SCEL: variants seen among roughly 807,000 people sequenced by gnomAD.
SCEL encodes sciellin.
Under a neutral mutation model 117.6 loss-of-function variants are expected in SCEL, and 113 were observed. The observed-to-expected ratio is 0.96, with a 90% CI of 0.83 to 1.12. The LOEUF (loss-of-function observed/expected upper bound fraction) is 1.12, where lower values mean the gene tolerates loss of function less well. SCEL is among the 50% of genes most tolerant of loss of function. SCEL has a pLI of 0.00. For synonymous variants in SCEL, 270 were observed against 256.2 expected (o/e 1.05, Z -0.51); for missense variants, 785 against 810.8 (o/e 0.97, Z 0.39).
chr13:77,602,123 G>C lies in SCEL; in HGVS notation c.976G>C (p.Gly326Arg). 1 of 1,610,562 alleles carries C rather than the reference G, an allele frequency of 6.2e-7. No homozygotes were observed. The highest frequency in any genetic ancestry group is 8.5e-7 in the Non-Finnish European group (1 of 1,178,462). Reference protein sequence around the residue: ...VNQRTDKNEKGRQNLESVAKV... With the variant: ...VNQRTDKNEKRRQNLESVAKV... ...TCAAAGGACTGACAAAAATGAGAAA[G>C]GGTAAGTCAATCTCCTACCTTGATG... is the stretch of plus-strand genomic sequence containing the variant. Residue 326 changes from glycine to arginine, a missense_variant and splice_region_variant, in exon 16 of 33, where the codon GGA (glycine) becomes CGA (arginine). Physicochemically the swap from Gly to Arg is moderately radical, Grantham distance 125 (BLOSUM62 -2). Coordinates refer to ENST00000349847, the MANE Select transcript of SCEL (RefSeq NM_144777.3).
intron 15 of SCEL, among the ~76,000 whole-genome samples, chr13:77,601,562 G>T (rs191290776): frequency 8.5e-5 from 13 of 152,254 alleles, no homozygotes; most frequent in Non-Finnish European, 1.6e-4. Flanking sequence ...TATATAAAGT[G>T]CTGGGACCAT....
At chr13:77,545,249 T>G (rs1461112604) in intron 1 of SCEL, among the ~76,000 whole-genome samples, 1 of 152,226 alleles carries the variant, frequency 6.6e-6, no homozygotes, top group Non-Finnish European at 1.5e-5. Context: ...GGAATGAAAC[T>G]GAAACGTGGC....
At chr13:77,642,593 C>A (rs988204562) in intron 31 of SCEL, 113 bp from the exon 32 acceptor site, 1 of 560,028 alleles carries the variant, frequency 1.8e-6, no homozygotes, top group Non-Finnish European at 3.0e-6. Flanking sequence ...TAGAAAACTT[C>A]AGTGATAAAC....
intron 9 of SCEL, among the ~76,000 whole-genome samples, chr13:77,583,927 C>A (rs924680782): frequency 6.6e-6 from 1 of 152,198 alleles, no homozygotes; most frequent in African/African-American, 2.4e-5. Flanking sequence ...AGTGTTATTT[C>A]TTTTAGCTTT....
At chr13:77,613,989 C>A in intron 24 of SCEL, 34 bp downstream of exon 24, 1 of 1,559,498 alleles carries the variant, frequency 6.4e-7, no homozygotes, top group Non-Finnish European at 8.8e-7. Flanking sequence ...TTGTGTTTCT[C>A]GTTAAGTAAA....
At chr13:77,568,374 A>G (rs1479287413) in intron 7 of SCEL, 41 bp downstream of exon 7, 1 of 1,323,052 alleles carries the variant, frequency 7.6e-7, no homozygotes, top group Non-Finnish European at 1.1e-6. Flanking sequence ...CTTTTTATGT[A>G]TTCAAGAAAA....
At chr13:77,568,234 C>T in intron 6 of SCEL, 61 bp from the exon 7 acceptor site, 1 of 1,055,052 alleles carries the variant, frequency 9.5e-7, no homozygotes, top group Non-Finnish European at 1.4e-6. Flanking sequence ...GGAATAATTC[C>T]AAATAGATGC....
At chr13:77,553,734 T>C (rs943467612) in intron 1 of SCEL, among the ~76,000 whole-genome samples, 2 of 151,694 alleles carry the variant, frequency 1.3e-5, no homozygotes, top group African/African-American at 4.8e-5. Flanking sequence ...GGTGATAGAG[T>C]ATGGAGTTAA....
rs530938037 is a variant in SCEL at position 77,575,973 on chromosome 13, T to G, written c.545+3784T>G. On this transcript the variant is annotated intron_variant, in intron 9 of 32. Transcript: ENST00000349847. Reference sequence around the variant, plus strand: ...ATTCCTCTGTCTCTCCTCCTACCTCTGATCAAATTCCTGCTTCACTGGTTT... The same window carrying G: ...ATTCCTCTGTCTCTCCTCCTACCTCGGATCAAATTCCTGCTTCACTGGTTT... 2.8e-4 allele frequency among the ~76,000 whole-genome samples: 42 copies of G among 152,362 alleles called. 1 individual carries two copies. The highest frequency in any genetic ancestry group is 5.0e-4 in the Non-Finnish European group (34 of 68,030).
intron 19 of SCEL, among the ~76,000 whole-genome samples, chr13:77,606,143 C>T (rs1181991962): frequency 2.0e-5 from 3 of 152,112 alleles, no homozygotes; most frequent in African/African-American, 7.2e-5. Context: ...TGTCTATATG[C>T]ATATGTAATT....
At chr13:77,627,601 A>G (rs2089804631) in intron 27 of SCEL, among the ~76,000 whole-genome samples, 1 of 152,150 alleles carries the variant, frequency 6.6e-6, no homozygotes, top group Non-Finnish European at 1.5e-5. Flanking sequence ...TGAATGTATT[A>G]AATCACACAT....
At chr13:77,631,054 T>C (rs2089999548) in intron 28 of SCEL, among the ~76,000 whole-genome samples, 1 of 152,082 alleles carries the variant, frequency 6.6e-6, no homozygotes, top group Admixed American at 6.6e-5. Flanking sequence ...GAGTAAGAGG[T>C]TGGACTTCCC....
At chr13:77,555,433 G>A (rs951405720) in intron 1 of SCEL, among the ~76,000 whole-genome samples, 3 of 152,172 alleles carry the variant, frequency 2.0e-5, no homozygotes, top group African/African-American at 4.8e-5. Context: ...CCTTCTTTGG[G>A]CGTTCACAGT....
chr13:77,535,977 C>T (rs950468903), intron 1 of SCEL, among the ~76,000 whole-genome samples, 153 bp downstream of exon 1: 1 of 152,128 alleles, frequency 6.6e-6, no homozygotes, highest in African/African-American at 2.4e-5. Flanking sequence ...GCTGTTAGCT[C>T]TGCTCTTCCT....
At chr13:77,593,298 C>CG (rs1195863187) in intron 11 of SCEL, among the ~76,000 whole-genome samples, 2 of 73,742 alleles carry the variant, frequency 2.7e-5, no homozygotes, top group Admixed American at 1.2e-4. Flanking sequence ...GTGTGTGTGT[C>CG]TGTGTGTGTG....
chr13:77,582,323 T>G (rs1461127968), intron 9 of SCEL, among the ~76,000 whole-genome samples: 1 of 152,056 alleles, frequency 6.6e-6, no homozygotes, highest in Non-Finnish European at 1.5e-5. Flanking sequence ...GCCTCCTGGG[T>G]TCAAGTGATT....
intron 1 of SCEL, among the ~76,000 whole-genome samples, chr13:77,552,996 T>C (rs143311117): frequency 0.023 from 3,536 of 152,240 alleles, 67 homozygotes; most frequent in Non-Finnish European, 0.036. Flanking sequence ...TTTTCTCAGG[T>C]TTGTCAAAGA....
chr13:77,617,675 G>A lies in SCEL; in HGVS notation c.1511+17G>A, dbSNP rs2089154319. 3.2e-6 allele frequency: 5 copies of A among 1,559,128 alleles called. No homozygotes were observed. Among genetic ancestry groups the A allele is most frequent in the Middle Eastern group, 1.7e-4 (1 of 5,910 alleles). On this transcript the variant is annotated intron_variant, in intron 25 of 32. Transcript: ENST00000349847. ...CAACCAAAGGTAATAAAACTATGTT[G>A]TTTTAATGTACTTGGGTCAGAAAGA... is the stretch of plus-strand genomic sequence containing the variant.
chr13:77,581,084 T>C (rs2086238451), intron 9 of SCEL, among the ~76,000 whole-genome samples: 1 of 152,240 alleles, frequency 6.6e-6, no homozygotes. Context: ...CAAAGTTTGA[T>C]GTCATGCTAA....
Sources: gnomAD v4.1 joint callset for allele counts (sites outside exome capture counted in the v4.1 genomes callset) on GRCh38, gnomAD v4.1.1 for gene constraint, MANE v1.5 for transcripts, NCBI Gene and HGNC (gene_info 2026-07-23, HGNC 2026-07-21) for gene names.